PARN: variants seen among roughly 807,000 people sequenced by gnomAD.
The protein encoded by PARN is poly(A)-specific ribonuclease PARN.
A neutral mutation model predicts 102.8 loss-of-function variants in PARN; 71 were observed. The observed-to-expected ratio is 0.69, with a 90% CI of 0.57 to 0.84. The LOEUF (loss-of-function observed/expected upper bound fraction) is 0.84. Among genes scored for constraint, PARN ranks in the 40% least tolerant of loss-of-function variants. The probability of loss-of-function intolerance (pLI) is 0.00; values close to 1 mark genes in which losing one functional copy is unlikely to be tolerated. For missense variants in PARN, 782 were observed against 760.9 expected (o/e 1.03, Z -0.33); for synonymous variants, 261 against 252.9 (o/e 1.03, Z -0.30).
At chr16:14,467,494 C>A (rs1208495035) in intron 22 of PARN, among the ~76,000 whole-genome samples, 7 of 152,178 alleles carry the variant, frequency 4.6e-5, no homozygotes, top group Admixed American at 1.3e-4. Context: ...AACCAATGTA[C>A]CACATGGTCA....
At chr16:14,584,819 A>G in intron 14 of PARN, 28 bp from the exon 15 acceptor site, 1 of 1,291,706 alleles carries the variant, frequency 7.7e-7, no homozygotes, top group Non-Finnish European at 1.1e-6. Context: ...CAAGGTAAAC[A>G]AAATGTATAT....
At chr16:14,463,849 G>A (rs1343211868) in intron 22 of PARN, among the ~76,000 whole-genome samples, 3 of 137,288 alleles carry the variant, frequency 2.2e-5, no homozygotes, top group South Asian at 2.5e-4. Context: ...GGGGGGGGGG[G>A]GACGACAAGG....
At chr16:14,488,031 T>C (rs1459486768) in intron 21 of PARN, among the ~76,000 whole-genome samples, 1 of 152,186 alleles carries the variant, frequency 6.6e-6, no homozygotes, top group Non-Finnish European at 1.5e-5. Context: ...ATTGTAAAGC[T>C]ATAGGAATTG....
chr16:14,516,922 G>A (rs745874346), intron 21 of PARN, among the ~76,000 whole-genome samples: 1 of 152,202 alleles, frequency 6.6e-6, no homozygotes, highest in Non-Finnish European at 1.5e-5. Flanking sequence ...GGGCACACAA[G>A]AAGGTAGAAT....
chr16:14,580,844 C>A (rs1177792925), intron 18 of PARN, 30 bp downstream of exon 18: 1 of 1,400,442 alleles, frequency 7.1e-7, no homozygotes, highest in Non-Finnish European at 1.0e-6. Context: ...AGTGAGAGAA[C>A]TTGGAAACTG....
chr16:14,526,803 T>G (rs1001099399), intron 21 of PARN, among the ~76,000 whole-genome samples: 1 of 152,242 alleles, frequency 6.6e-6, no homozygotes, highest in Non-Finnish European at 1.5e-5. Context: ...AGGGTTAAAG[T>G]TGGGCCAGGA....
intron 18 of PARN, among the ~76,000 whole-genome samples, chr16:14,564,691 C>G (rs1023078939): frequency 5.3e-5 from 8 of 152,112 alleles, no homozygotes; most frequent in Non-Finnish European, 1.0e-4. Flanking sequence ...TAAAGAAGAA[C>G]AGAGTTTATT....
At chr16:14,439,963 C>T (rs551489683) in intron 23 of PARN, among the ~76,000 whole-genome samples, 6 of 152,114 alleles carry the variant, frequency 3.9e-5, no homozygotes, top group South Asian at 2.1e-4. Context: ...TGCAGTGAGC[C>T]GAAATCGTGC....
At chr16:14,481,585 T>C (rs762858710) in intron 22 of PARN, among the ~76,000 whole-genome samples, 1 of 152,248 alleles carries the variant, frequency 6.6e-6, no homozygotes, top group African/African-American at 2.4e-5. Flanking sequence ...TAAAACTCTT[T>C]GAACTAAACA....
At chr16:14,525,036 T>C (rs1022231657) in intron 21 of PARN, among the ~76,000 whole-genome samples, 3 of 152,250 alleles carry the variant, frequency 2.0e-5, no homozygotes, top group Non-Finnish European at 4.4e-5. Flanking sequence ...AAACAACTAC[T>C]ACTACTACGA....
At chr16:14,629,367 A>C (rs142628275) in intron 2 of PARN, among the ~76,000 whole-genome samples, 124 of 152,312 alleles carry the variant, frequency 8.1e-4, no homozygotes, top group African/African-American at 2.8e-3. Flanking sequence ...CAGCATCAAA[A>C]CCATCATCTC....
intron 1 of PARN, 108 bp from the exon 2 acceptor site, chr16:14,629,782 A>G: frequency 2.3e-6 from 2 of 863,200 alleles, no homozygotes; most frequent in Non-Finnish European, 3.9e-6. Context: ...GAAGGGGAAA[A>G]GTCCCGGAGG....
At position 14,630,156 on chromosome 16, in the gene PARN, C is replaced by G. The variant is rs754212597; in HGVS notation, c.-31G>C. ...AGAGTGGCCGGAACCTTGGCCCCAC[C>G]CGGGCCCGCGCCCGCCTCAGCGGTT... is the stretch of plus-strand genomic sequence containing the variant. On this transcript the variant is annotated 5_prime_UTR_variant, in exon 1 of 24. Transcript: ENST00000437198. 6.5e-7 allele frequency: 1 copy of G among 1,548,210 alleles called. No homozygotes were observed. The highest frequency in any genetic ancestry group is 1.2e-5 in the South Asian group (1 of 83,966).
At chr16:14,539,131 C>T (rs1966742246) in intron 21 of PARN, among the ~76,000 whole-genome samples, 2 of 152,156 alleles carry the variant, frequency 1.3e-5, no homozygotes, top group African/African-American at 4.8e-5. Context: ...CATCCCAAAA[C>T]CATTCCCTAC....
intron 17 of PARN, among the ~76,000 whole-genome samples, chr16:14,581,763 A>G (rs1969548676): frequency 6.6e-6 from 1 of 152,198 alleles, no homozygotes; most frequent in South Asian, 2.1e-4. Context: ...CTATAAAAAA[A>G]TTAAAAAGTT....
chr16:14,615,443 C>A (rs1971833635), intron 6 of PARN, among the ~76,000 whole-genome samples: 1 of 152,064 alleles, frequency 6.6e-6, no homozygotes, highest in Non-Finnish European at 1.5e-5. Flanking sequence ...CTTTCAGAGT[C>A]AAGTATGAGA....
At chr16:14,471,708 T>C (rs1477160633) in intron 22 of PARN, among the ~76,000 whole-genome samples, 1 of 152,212 alleles carries the variant, frequency 6.6e-6, no homozygotes, top group East Asian at 1.9e-4. Context: ...TCTGTCTCTA[T>C]GAATCTGACT....
chr16:14,592,455 T>A (rs1970258075), intron 13 of PARN, among the ~76,000 whole-genome samples: 1 of 151,822 alleles, frequency 6.6e-6, no homozygotes, highest in Non-Finnish European at 1.5e-5. Flanking sequence ...GAGCGCAGAG[T>A]GGCGAGGGAC....
At chr16:14,578,331 C>CA (rs1199897215) in intron 18 of PARN, among the ~76,000 whole-genome samples, 1,441 of 44,692 alleles carry the variant, frequency 0.032, 49 homozygotes, top group Non-Finnish European at 0.041. Flanking sequence ...TCTGTCTCAC[C>CA]AAAAAAAAAA....
Sources: gnomAD v4.1 joint callset for allele counts (sites outside exome capture counted in the v4.1 genomes callset) on GRCh38, gnomAD v4.1.1 for gene constraint, MANE v1.5 for transcripts, NCBI Gene and HGNC (gene_info 2026-07-23, HGNC 2026-07-21) for gene names.